The following MARCHF1 variants were observed in gnomAD, a reference collection of about 807,000 sequenced individuals.
The protein encoded by MARCHF1 is membrane associated ring-CH-type finger 1.
A neutral mutation model predicts 54.2 loss-of-function variants in MARCHF1; 40 were observed. The ratio of observed to expected loss-of-function variants is 0.74; its 90% CI spans 0.57 to 0.96. The LOEUF is 0.96. MARCHF1 is among the 40% of genes least tolerant of loss of function. MARCHF1 has a pLI of 0.00. For synonymous variants in MARCHF1, 236 were observed against 236.3 expected, an observed-to-expected ratio of 1.00 and a Z score of 0.01; for missense variants, 586 against 656.5, an observed-to-expected ratio of 0.89 and a Z score of 1.17.
intron 1 of MARCHF1, among the ~76,000 whole-genome samples, chr4:164,289,296 G>A (rs1448650694): frequency 6.6e-6 from 1 of 151,974 alleles, no homozygotes; most frequent in Non-Finnish European, 1.5e-5. Context: ...ACTGTGTGTG[G>A]CTTTGATCAC....
intron 1 of MARCHF1, among the ~76,000 whole-genome samples, chr4:164,357,126 AAAAAT>A (rs974965155): frequency 2.0e-5 from 3 of 152,032 alleles, no homozygotes; most frequent in South Asian, 2.1e-4. Flanking sequence ...TAAGAAAAAA[AAAAAT>A]AAATAAAAAT....
chr4:163,932,336 T>C (rs1220162994), intron 3 of MARCHF1, among the ~76,000 whole-genome samples: 2 of 152,232 alleles, frequency 1.3e-5, no homozygotes, highest in Admixed American at 1.3e-4. Flanking sequence ...TGCTAAACTA[T>C]TTGATAGCAT....
chr4:163,601,500 CAT>C (rs1358744629), intron 7 of MARCHF1, among the ~76,000 whole-genome samples: 2 of 151,836 alleles, frequency 1.3e-5, no homozygotes, highest in Non-Finnish European at 2.9e-5. Context: ...ATTCTGGACA[CAT>C]ATTGTTCTTA....
intron 1 of MARCHF1, among the ~76,000 whole-genome samples, chr4:164,239,420 TATA>T (rs1184258419): frequency 6.6e-6 from 1 of 152,118 alleles, no homozygotes; most frequent in African/African-American, 2.4e-5. Context: ...ACCTATAGAT[TATA>T]TTTATTCAGA....
chr4:163,728,119 C>T (rs974620990), intron 4 of MARCHF1, among the ~76,000 whole-genome samples: 1 of 152,192 alleles, frequency 6.6e-6, no homozygotes, highest in African/African-American at 2.4e-5. Flanking sequence ...GCTGGGACTA[C>T]AGGCGCATGC....
intron 3 of MARCHF1, among the ~76,000 whole-genome samples, chr4:163,964,859 G>C (rs1056599527): frequency 3.9e-5 from 6 of 151,936 alleles, no homozygotes; most frequent in Non-Finnish European, 8.8e-5. Context: ...CTTTGAGCTT[G>C]TCCTGGATTG....
intron 3 of MARCHF1, among the ~76,000 whole-genome samples, chr4:163,982,233 A>G (rs1363545134): frequency 3.3e-5 from 5 of 152,318 alleles, no homozygotes; most frequent in Non-Finnish European, 7.4e-5. Context: ...GACTCAAGAG[A>G]GTAGTTGGAA....
chr4:164,039,632 T>C (rs897368837), intron 2 of MARCHF1, among the ~76,000 whole-genome samples: 1 of 152,100 alleles, frequency 6.6e-6, no homozygotes, highest in African/African-American at 2.4e-5. Context: ...CATTATTCAC[T>C]AGAAAGACAT....
intron 1 of MARCHF1, among the ~76,000 whole-genome samples, chr4:164,129,705 AT>A (rs970936094): frequency 2.8e-4 from 43 of 152,068 alleles, no homozygotes; most frequent in Non-Finnish European, 4.6e-4. Flanking sequence ...CAAGTGTGGA[AT>A]TTTTTTAGTA....
intron 3 of MARCHF1, among the ~76,000 whole-genome samples, chr4:163,889,919 C>CTTTTTTTTTTTTT (rs146357456): frequency 9.3e-4 from 109 of 117,216 alleles, no homozygotes; most frequent in East Asian, 2.6e-3. Context: ...TATTTATTTT[C>CTTTTTTTTTTTTT]TTTTTTCTTT....
intron 1 of MARCHF1, among the ~76,000 whole-genome samples, chr4:164,148,991 T>C (rs1052941868): frequency 3.9e-5 from 6 of 152,138 alleles, no homozygotes; most frequent in African/African-American, 1.2e-4. Flanking sequence ...TGGCAGGTGT[T>C]TGGGTCATGG....
chr4:163,899,918 A>G (rs1463040107), intron 3 of MARCHF1, among the ~76,000 whole-genome samples: 1 of 151,702 alleles, frequency 6.6e-6, no homozygotes, highest in Non-Finnish European at 1.5e-5. Context: ...CATGTTGCCA[A>G]GTTAGGCCTT....
At position 164,330,381 on chromosome 4, in the gene MARCHF1, T is replaced by C. The variant is rs113750088; in HGVS notation, c.-323+53489A>G. ...AGTTAGGAAGAAATTCCGAAGTTTG[T>C]CATGTCTTCCCCTCCATCACTTGAT... On this transcript the variant is annotated intron_variant, in intron 1 of 9. Coordinates refer to ENST00000514618, the MANE Select transcript of MARCHF1 (RefSeq NM_001394959.1). Among the ~76,000 whole-genome samples the C allele has an allele frequency of 9.8e-3, 1,486 of 152,156 alleles. 33 individuals are homozygous for C. The highest frequency in any genetic ancestry group is 0.033 in the African/African-American group (1,390 of 41,500).
chr4:164,037,513 C>T (rs1326815150), intron 2 of MARCHF1, among the ~76,000 whole-genome samples: 1 of 152,138 alleles, frequency 6.6e-6, no homozygotes, highest in Non-Finnish European at 1.5e-5. Context: ...TAAATTCACA[C>T]TCATATAAAT....
At chr4:163,915,380 G>T (rs1429493150) in intron 3 of MARCHF1, among the ~76,000 whole-genome samples, 3 of 152,016 alleles carry the variant, frequency 2.0e-5, no homozygotes, top group Non-Finnish European at 4.4e-5. Flanking sequence ...CATCCTAACA[G>T]TCATCCTTAA....
At chr4:164,117,027 G>A (rs1755952305) in intron 1 of MARCHF1, among the ~76,000 whole-genome samples, 1 of 152,022 alleles carries the variant, frequency 6.6e-6, no homozygotes, top group Non-Finnish European at 1.5e-5. Flanking sequence ...GGAGGCCAAG[G>A]CGGGTAGATC....
chr4:164,138,332 C>T (rs1178142221), intron 1 of MARCHF1, among the ~76,000 whole-genome samples: 1 of 151,430 alleles, frequency 6.6e-6, no homozygotes, highest in Non-Finnish European at 1.5e-5. Context: ...TTAAGTTTGG[C>T]AGTATACATA....
chr4:164,130,833 TTA>T (rs1756285819), intron 1 of MARCHF1, among the ~76,000 whole-genome samples: 3 of 152,198 alleles, frequency 2.0e-5, no homozygotes, highest in Non-Finnish European at 2.9e-5. Flanking sequence ...ATTGATGTCG[TTA>T]TATGTTACAA....
chr4:164,177,106 C>T (rs941385296), intron 1 of MARCHF1, among the ~76,000 whole-genome samples: 2 of 150,336 alleles, frequency 1.3e-5, no homozygotes, highest in East Asian at 3.9e-4. Flanking sequence ...CTTCATATAG[C>T]CCTTAATAGT....
Sources: allele counts gnomAD v4.1 joint callset (sites outside exome capture counted in the v4.1 genomes callset), GRCh38; gene constraint gnomAD v4.1.1; transcripts MANE v1.5; gene names NCBI Gene and HGNC (gene_info 2026-07-23, HGNC 2026-07-21).